ANKRD11: variants seen among roughly 807,000 people sequenced by gnomAD.
ANKRD11 encodes ankyrin repeat domain 11.
ANKRD11 carries 17 observed loss-of-function variants against 195.7 expected under a neutral mutation model. That is an observed-to-expected ratio of 0.09 (90% CI 0.06 to 0.13). The LOEUF is 0.13. ANKRD11 is among the 10% of genes least tolerant of loss of function. The pLI, the probability that ANKRD11 is intolerant of heterozygous loss-of-function variation, is 1.00. For missense variants in ANKRD11, 3,735 were observed against 3,566.1 expected (o/e 1.05, Z -1.21); for synonymous variants, 1,953 against 1,528.1 (o/e 1.28, Z -6.49).
intron 2 of ANKRD11, among the ~76,000 whole-genome samples, chr16:89,321,971 T>C (rs2037354940): frequency 1.3e-5 from 2 of 152,232 alleles, no homozygotes; most frequent in African/African-American, 4.8e-5. Context: ...TTTCTCCTCA[T>C]GATCTCAGTA....
At chr16:89,405,805 C>T (rs1015126755) in intron 2 of ANKRD11, among the ~76,000 whole-genome samples, 1 of 152,088 alleles carries the variant, frequency 6.6e-6, no homozygotes, top group African/African-American at 2.4e-5. Flanking sequence ...CCCCAGCGCT[C>T]CTCACAAAGG....
chr16:89,483,162 T>TA (rs1160132806), intron 1 of ANKRD11, among the ~76,000 whole-genome samples: 1 of 152,106 alleles, frequency 6.6e-6, no homozygotes, highest in Admixed American at 6.6e-5. Flanking sequence ...CCTGAACCAA[T>TA]ATATTTATGG....
chr16:89,402,813 G>T (rs1196616246), intron 2 of ANKRD11, among the ~76,000 whole-genome samples: 2 of 145,784 alleles, frequency 1.4e-5, no homozygotes, highest in Non-Finnish European at 3.0e-5. Flanking sequence ...TCTGCGGAAT[G>T]AGGTTGGGGG....
intron 10 of ANKRD11, 23 bp downstream of exon 10, chr16:89,275,070 C>A (rs779438523): frequency 7.4e-6 from 12 of 1,612,520 alleles, no homozygotes; most frequent in East Asian, 2.2e-5. Flanking sequence ...GTGGCGCCCC[C>A]CTGCCTGTGC....
intron 2 of ANKRD11, among the ~76,000 whole-genome samples, chr16:89,355,214 AGAGGGCTCACGGAGGGAGGGCG>A (rs1165386856): frequency 2.6e-5 from 4 of 151,776 alleles, no homozygotes; most frequent in Non-Finnish European, 2.9e-5. Flanking sequence ...GGAGGCGGGC[AGAGGGCTCACGGAGGGAGGGCG>A]GAGGGCTCAC....
chr16:89,371,325 G>A (rs576705563), intron 2 of ANKRD11, among the ~76,000 whole-genome samples: 1 of 152,332 alleles, frequency 6.6e-6, no homozygotes, highest in African/African-American at 2.4e-5. Flanking sequence ...GAATAAGAAA[G>A]AGATGACAGA....
At chr16:89,479,336 T>C (rs1400945542) in intron 1 of ANKRD11, among the ~76,000 whole-genome samples, 1 of 151,642 alleles carries the variant, frequency 6.6e-6, no homozygotes, top group Non-Finnish European at 1.5e-5. Flanking sequence ...TGTGACCTGA[T>C]ATAAAAAATA....
chr16:89,340,512 C>T (rs958530204), intron 2 of ANKRD11, among the ~76,000 whole-genome samples: 7 of 152,158 alleles, frequency 4.6e-5, no homozygotes, highest in Admixed American at 3.3e-4. Context: ...TGACTTCAGG[C>T]GATCCACCTG....
At position 89,313,239 on chromosome 16, in the gene ANKRD11, G is replaced by T. The variant is rs2036715890; in HGVS notation, c.87+3694C>A. ...GGCGTGCATGGAGCACAATGAGACA[G>T]GGTGACTGTGCCATGGGGTGGGGAC... On this transcript the variant is annotated intron_variant, in intron 3 of 12. Coordinates refer to ENST00000301030, the MANE Select transcript of ANKRD11 (RefSeq NM_013275.6). 2.4e-6 allele frequency: 3 copies of T among 1,239,164 alleles called. No homozygotes were observed. The South Asian group carries it at 4.1e-5, about 17-fold the overall frequency. 76.8% of individuals were successfully genotyped at this position (1,239,164 alleles called of 1,614,324 possible).
chr16:89,286,869 C>T, intron 7 of ANKRD11: 1 of 1,288,348 alleles, frequency 7.8e-7, no homozygotes, highest in Non-Finnish European at 1.0e-6. Flanking sequence ...AATTTAATCC[C>T]AACTTTAGTC....
At chr16:89,366,608 T>C (rs1375042696) in intron 2 of ANKRD11, among the ~76,000 whole-genome samples, 1 of 152,228 alleles carries the variant, frequency 6.6e-6, no homozygotes, top group African/African-American at 2.4e-5. Flanking sequence ...CAGACTCTTG[T>C]TGAAAAGGCT....
intron 3 of ANKRD11, among the ~76,000 whole-genome samples, chr16:89,316,391 C>T (rs560203837): frequency 6.6e-6 from 1 of 152,174 alleles, no homozygotes; most frequent in African/African-American, 2.4e-5. Context: ...CCCAGCAGCA[C>T]CCGCCAATAC....
intron 3 of ANKRD11, among the ~76,000 whole-genome samples, chr16:89,310,042 T>G (rs992316230): frequency 6.6e-6 from 1 of 152,200 alleles, no homozygotes; most frequent in African/African-American, 2.4e-5. Flanking sequence ...GAGAAAGTTG[T>G]AGTAACTGAA....
In ANKRD11 at chr16:89,460,610, G is replaced by A. The variant is rs566741489; in HGVS notation, c.-145+29635C>T. Among the ~76,000 whole-genome samples the A allele has an allele frequency of 4.6e-5, 7 of 152,234 alleles. 1 individual carries two copies. Among genetic ancestry groups the A allele is most frequent in the East Asian group, 1.9e-4 (1 of 5,178 alleles). ...TTTGACACTGGGCACAGCAGCTCAC[G>A]CATGTAATCTCAGCACTATGGAAGG... On this transcript the variant is annotated intron_variant, in intron 1 of 12. Transcript: ENST00000301030.
intron 1 of ANKRD11, among the ~76,000 whole-genome samples, chr16:89,485,778 T>C (rs2057592274): frequency 6.6e-6 from 1 of 152,188 alleles, no homozygotes; most frequent in South Asian, 2.1e-4. Flanking sequence ...AAAGAGATCA[T>C]TTTTTCTTCA....
intron 2 of ANKRD11, among the ~76,000 whole-genome samples, chr16:89,387,266 A>G (rs2040955223): frequency 6.6e-6 from 1 of 151,306 alleles, no homozygotes. Context: ...GAGAGGCCTG[A>G]ATGGTGGGAG....
intron 2 of ANKRD11, among the ~76,000 whole-genome samples, chr16:89,354,257 A>G (rs796796186): frequency 6.6e-6 from 1 of 152,088 alleles, no homozygotes; most frequent in Admixed American, 6.5e-5. Flanking sequence ...AAAAAAAAAA[A>G]AAAGAAAACT....
At position 89,285,601 on chromosome 16, in the gene ANKRD11, A is replaced by G. The variant is rs777022546; in HGVS notation, c.941T>C (p.Val314Ala). Residue 314 changes from valine to alanine, a missense_variant, in exon 9 of 13, where the codon GTC becomes GCC. By Grantham distance (64) the Val-to-Ala change is moderately conservative. Transcript: ENST00000301030. This position sits in a 1 kb window ranked among gnomAD's most constrained non-coding sequence, Gnocchi z 5.6. Reference protein sequence around the residue: ...DAPSFAPSSSVDGNNTDSEFE... With the variant: ...DAPSFAPSSSADGNNTDSEFE... ...CTCGGAGTCCGTGTTGTTGCCGTCG[A>G]CTGAACTGGAAGGTGCGAAGGATGG... 1 of 1,614,170 alleles carries G rather than the reference A, an allele frequency of 6.2e-7. No homozygotes were observed. Among genetic ancestry groups the G allele is most frequent in the Non-Finnish European group, 8.5e-7 (1 of 1,180,028 alleles).
chr16:89,285,702 C>T lies in ANKRD11; in HGVS notation c.893-53G>A. ...CAGGCAGGCTCAAAACAGCTCTCCC[C>T]AGAATGGCAGAGGAGGGAGGCTCTG... is the stretch of plus-strand genomic sequence containing the variant. On this transcript the variant is annotated intron_variant, in intron 8 of 12. Coordinates refer to ENST00000301030, the MANE Select transcript of ANKRD11 (RefSeq NM_013275.6). The surrounding 1 kb of genome is among the most constrained non-coding windows in gnomAD (Gnocchi z 5.6). 1 of 1,582,062 alleles carries T rather than the reference C, an allele frequency of 6.3e-7. No individual in the cohort carries two copies. Among genetic ancestry groups the T allele is most frequent in the South Asian group, 1.1e-5 (1 of 90,252 alleles).
Sources: allele counts gnomAD v4.1 joint callset (sites outside exome capture counted in the v4.1 genomes callset), GRCh38; gene constraint gnomAD v4.1.1; non-coding constraint Gnocchi (gnomAD v3.1); transcripts MANE v1.5; gene names NCBI Gene and HGNC (gene_info 2026-07-23, HGNC 2026-07-21).